Variants in KDM2A observed in about 807,000 individuals in gnomAD.
KDM2A encodes the protein lysine-specific demethylase 2A.
Under a neutral mutation model 137.3 loss-of-function variants are expected in KDM2A, and 3 were observed. That is an observed-to-expected ratio of 0.02 (90% CI 0.01 to 0.06). The LOEUF (loss-of-function observed/expected upper bound fraction) is 0.06. Ranked by LOEUF, KDM2A falls within the 10% of genes least tolerant of loss-of-function variation. The pLI, the probability that KDM2A is intolerant of heterozygous loss-of-function variation, is 1.00. For missense variants in KDM2A, 738 were observed against 1,510.6 expected (o/e 0.49, Z 8.48); for synonymous variants, 512 against 541.5 (o/e 0.95, Z 0.76).
At chr11:67,208,975 C>G (rs1291023660) in intron 6 of KDM2A, among the ~76,000 whole-genome samples, 3 of 151,428 alleles carry the variant, frequency 2.0e-5, no homozygotes, top group African/African-American at 7.3e-5. Flanking sequence ...ACATTGTTGC[C>G]CGGGATATAG....
In KDM2A at chr11:67,245,480, G is replaced by C. The variant is rs749576293; in HGVS notation, c.1833+22G>C. ...GGCAGTGAGTGATCTGCTGGGTAAA[G>C]AATTTTGGGGAGGGGTGGCAGTGCC... On this transcript the variant is annotated intron_variant, in intron 14 of 20. Coordinates refer to ENST00000529006, the MANE Select transcript of KDM2A (RefSeq NM_012308.3). The surrounding 1 kb of genome is among the most constrained non-coding windows in gnomAD (Gnocchi z 4.1). The C allele has an allele frequency of 1.9e-6, 3 of 1,609,410 alleles. No individual in the cohort carries two copies. The highest frequency in any genetic ancestry group is 4.5e-5 in the East Asian group (2 of 44,800).
intron 9 of KDM2A, among the ~76,000 whole-genome samples, chr11:67,218,162 A>G (rs945822341): frequency 2.6e-5 from 4 of 152,228 alleles, no homozygotes; most frequent in African/African-American, 9.7e-5. Flanking sequence ...TAGAATCTCT[A>G]TAGATAGGAC....
At chr11:67,247,060 TA>T (rs1443154956) in intron 15 of KDM2A, among the ~76,000 whole-genome samples, 33 of 32,936 alleles carry the variant, frequency 1.0e-3, no homozygotes, top group African/African-American at 4.0e-3. Flanking sequence ...TATATATATA[TA>T]TATATATATA....
At chr11:67,215,676 A>G (rs992396784) in intron 7 of KDM2A, 180 bp from the exon 8 acceptor site, 41 of 642,690 alleles carry the variant, frequency 6.4e-5, no homozygotes, top group African/African-American at 2.4e-4. Context: ...ATACGGTAGA[A>G]AAAAAAAAAA....
In KDM2A at chr11:67,181,360, T is replaced by C; in HGVS notation, c.222T>C (p.Asp74=). Residue 74 remains aspartate, a synonymous_variant, in exon 4 of 21, where the codon GAT becomes GAC. Transcript: ENST00000529006. ...ATATTCAGCGGGGTGGCTTGAGAGATCCTCTGATTTTCAAGAATTCTGATG... is the reference window on the plus strand; with the variant it reads ...ATATTCAGCGGGGTGGCTTGAGAGACCCTCTGATTTTCAAGAATTCTGATG... ...VEYIQRGGLR[D]PLIFKNSDGL... 4.3e-6 allele frequency: 7 copies of C among 1,612,548 alleles called. No individual in the cohort carries two copies. Among genetic ancestry groups the C allele is most frequent in the Non-Finnish European group, 5.9e-6 (7 of 1,179,070 alleles).
At chr11:67,159,461 A>G (rs371169500) in intron 2 of KDM2A, among the ~76,000 whole-genome samples, 1 of 152,218 alleles carries the variant, frequency 6.6e-6, no homozygotes, top group Non-Finnish European at 1.5e-5. Flanking sequence ...GATTAGATTC[A>G]TCTTAAACAT....
chr11:67,203,530 ATAAG>A (rs1020419501), intron 5 of KDM2A, among the ~76,000 whole-genome samples: 3 of 148,042 alleles, frequency 2.0e-5, no homozygotes, highest in Non-Finnish European at 4.5e-5. Context: ...TATATAATAA[ATAAG>A]TAGTCTAGTA....
At chr11:67,188,038 T>A (rs576068268) in intron 5 of KDM2A, among the ~76,000 whole-genome samples, 22 of 151,958 alleles carry the variant, frequency 1.4e-4, no homozygotes, top group African/African-American at 2.4e-4. Flanking sequence ...ATAAAAAAAA[T>A]AATAATAGTA....
At chr11:67,196,247 C>A in intron 5 of KDM2A, 1 of 456,182 alleles carries the variant, frequency 2.2e-6, no homozygotes, top group Non-Finnish European at 4.4e-6. Context: ...CAGATGCAGG[C>A]TACCACTGCT....
At chr11:67,139,280 T>C (rs903147162) in intron 2 of KDM2A, among the ~76,000 whole-genome samples, 5 of 152,018 alleles carry the variant, frequency 3.3e-5, no homozygotes, top group African/African-American at 1.2e-4. Context: ...AGTCTCGCTT[T>C]GTCCCCCAGG....
At chr11:67,145,308 A>G (rs1263372268) in intron 2 of KDM2A, among the ~76,000 whole-genome samples, 2 of 146,116 alleles carry the variant, frequency 1.4e-5, no homozygotes, top group Non-Finnish European at 3.0e-5. Flanking sequence ...AACATGGTGA[A>G]ACCCCGTCTA....
chr11:67,220,038 TCTCA>T (rs1858295759), intron 10 of KDM2A, among the ~76,000 whole-genome samples: 1 of 151,944 alleles, frequency 6.6e-6, no homozygotes, highest in Non-Finnish European at 1.5e-5. Flanking sequence ...TGGGACAGAG[TCTCA>T]CTCTGTTGCC....
intron 2 of KDM2A, among the ~76,000 whole-genome samples, chr11:67,141,813 C>A (rs1856109934): frequency 6.6e-6 from 1 of 151,372 alleles, no homozygotes; most frequent in Admixed American, 6.6e-5. Context: ...CTTTATGCAC[C>A]CCTTTGCCCC....
chr11:67,147,455 T>C (rs1208054418), intron 2 of KDM2A, among the ~76,000 whole-genome samples: 1 of 150,414 alleles, frequency 6.6e-6, no homozygotes, highest in East Asian at 2.0e-4. Context: ...GGCAGGAGAA[T>C]GGCATGAACC....
intron 2 of KDM2A, among the ~76,000 whole-genome samples, chr11:67,177,477 T>C (rs1246108315): frequency 2.6e-5 from 4 of 152,150 alleles, no homozygotes; most frequent in Non-Finnish European, 2.9e-5. Context: ...TTTTAAACTT[T>C]TTTGTTAAAA....
chr11:67,144,739 A>T (rs1474657604), intron 2 of KDM2A, among the ~76,000 whole-genome samples: 1 of 145,702 alleles, frequency 6.9e-6, no homozygotes, highest in Non-Finnish European at 1.5e-5. Context: ...AATATTTGGT[A>T]TTTTTTTTGT....
At chr11:67,129,480 A>G (rs1433503050) in intron 2 of KDM2A, among the ~76,000 whole-genome samples, 1 of 151,966 alleles carries the variant, frequency 6.6e-6, no homozygotes, top group Non-Finnish European at 1.5e-5. Context: ...CACACCTGTA[A>G]TCCCAGCACT....
intron 2 of KDM2A, among the ~76,000 whole-genome samples, chr11:67,172,540 AT>A (rs1037662006): frequency 2.0e-5 from 3 of 150,216 alleles, no homozygotes; most frequent in Non-Finnish European, 3.0e-5. Flanking sequence ...TTATAAATGG[AT>A]TTTTTTTCAA....
At chr11:67,131,096 G>A (rs1018909884) in intron 2 of KDM2A, among the ~76,000 whole-genome samples, 1 of 152,042 alleles carries the variant, frequency 6.6e-6, no homozygotes, top group Non-Finnish European at 1.5e-5. Context: ...AGGCCGAGGC[G>A]GGCAGATTGC....
Sources: allele counts gnomAD v4.1 joint callset (sites outside exome capture counted in the v4.1 genomes callset), GRCh38; gene constraint gnomAD v4.1.1; non-coding constraint Gnocchi (gnomAD v3.1); transcripts MANE v1.5; gene names NCBI Gene and HGNC (gene_info 2026-07-23, HGNC 2026-07-21).